GRID1: variants seen among roughly 807,000 people sequenced by gnomAD.
GRID1 encodes glutamate ionotropic receptor delta type subunit 1.
A neutral mutation model predicts 98.0 loss-of-function variants in GRID1; 28 were observed. The ratio of observed to expected loss-of-function variants is 0.29; its 90% CI spans 0.21 to 0.39. GRID1 has a LOEUF of 0.39. Among genes scored for constraint, GRID1 ranks in the 10% least tolerant of loss-of-function variants. The pLI is 1.00. For missense variants in GRID1, 1,111 were observed against 1,340.5 expected (o/e 0.83, Z 2.67); for synonymous variants, 553 against 538.5 (o/e 1.03, Z -0.37).
At chr10:86,234,434 C>T (rs747357054) in intron 2 of GRID1, among the ~76,000 whole-genome samples, 39 of 152,206 alleles carry the variant, frequency 2.6e-4, no homozygotes, top group Non-Finnish European at 3.7e-4. Context: ...TCCAGACACA[C>T]GGAAGGGTCT....
At chr10:86,033,582 A>G (rs923272062) in intron 4 of GRID1, among the ~76,000 whole-genome samples, 3 of 152,222 alleles carry the variant, frequency 2.0e-5, no homozygotes, top group Non-Finnish European at 4.4e-5. Flanking sequence ...AGTGTGGACT[A>G]TAAGACAGCC....
intron 4 of GRID1, among the ~76,000 whole-genome samples, chr10:86,107,417 C>G (rs765672704): frequency 6.6e-6 from 1 of 152,222 alleles, no homozygotes; most frequent in Non-Finnish European, 1.5e-5. Context: ...CAGTGGCAAA[C>G]CCCACAGGGT....
intron 2 of GRID1, among the ~76,000 whole-genome samples, chr10:86,280,251 C>A (rs1000107650): frequency 6.6e-6 from 1 of 152,132 alleles, no homozygotes; most frequent in Non-Finnish European, 1.5e-5. Flanking sequence ...TTGTATATTA[C>A]AAATTTAAAA....
At chr10:85,724,861 C>T (rs1485294741) in intron 10 of GRID1, among the ~76,000 whole-genome samples, 185 bp from the exon 11 acceptor site, 1 of 152,224 alleles carries the variant, frequency 6.6e-6, no homozygotes, top group Non-Finnish European at 1.5e-5. Context: ...TTACTATTTC[C>T]TTCACCTTAC....
chr10:85,773,999 G>A (rs1025173722), intron 8 of GRID1, among the ~76,000 whole-genome samples: 4 of 152,208 alleles, frequency 2.6e-5, no homozygotes, highest in Admixed American at 6.5e-5. Context: ...GGAACCAAAA[G>A]AGAGCCCGCA....
intron 8 of GRID1, among the ~76,000 whole-genome samples, chr10:85,793,090 G>C (rs1157636707): frequency 6.6e-6 from 1 of 152,054 alleles, no homozygotes; most frequent in Non-Finnish European, 1.5e-5. Flanking sequence ...CTCCTTTCTG[G>C]AGCTCAACAC....
chr10:85,633,158 G>A (rs1324041317), intron 13 of GRID1, among the ~76,000 whole-genome samples: 2 of 151,974 alleles, frequency 1.3e-5, no homozygotes, highest in East Asian at 3.9e-4. Context: ...TTGAACTCCT[G>A]ACCTCAAGTG....
At chr10:85,999,894 T>C (rs1320852552) in intron 4 of GRID1, among the ~76,000 whole-genome samples, 1 of 152,146 alleles carries the variant, frequency 6.6e-6, no homozygotes, top group Non-Finnish European at 1.5e-5. Context: ...TTTAAAGCTT[T>C]CCCCCACTAA....
chr10:85,855,429 C>A (rs1843100315), intron 7 of GRID1, among the ~76,000 whole-genome samples: 1 of 152,218 alleles, frequency 6.6e-6, no homozygotes, highest in Non-Finnish European at 1.5e-5. Context: ...AGAAGGGGCC[C>A]TGGCTCTGCC....
intron 4 of GRID1, among the ~76,000 whole-genome samples, chr10:85,957,006 C>A (rs1381088133): frequency 2.0e-5 from 3 of 152,194 alleles, no homozygotes; most frequent in Admixed American, 6.5e-5. Context: ...ACACATCCTT[C>A]TTCACATGGT....
chr10:85,761,706 C>T (rs959686228), intron 8 of GRID1, among the ~76,000 whole-genome samples: 4 of 152,074 alleles, frequency 2.6e-5, no homozygotes, highest in African/African-American at 9.7e-5. Context: ...ACTATGGGTC[C>T]CCAGTTGGTC....
At chr10:85,647,477 C>T in intron 12 of GRID1, 80 bp from the exon 13 acceptor site, 1 of 1,092,408 alleles carries the variant, frequency 9.2e-7, no homozygotes, top group Non-Finnish European at 1.4e-6. Context: ...CTGCAAGGCC[C>T]TTCTGAACTC....
intron 4 of GRID1, among the ~76,000 whole-genome samples, chr10:85,949,534 C>T (rs944905734): frequency 5.9e-5 from 9 of 152,020 alleles, no homozygotes; most frequent in Admixed American, 4.6e-4. Context: ...ATCCAAACAC[C>T]TATTGATTTT....
chr10:85,616,932 T>G (rs1842796377), intron 14 of GRID1, among the ~76,000 whole-genome samples: 1 of 152,218 alleles, frequency 6.6e-6, no homozygotes, highest in African/African-American at 2.4e-5. Flanking sequence ...ATGCCCCAAC[T>G]GCATGCTGTG....
At chr10:85,735,711 T>C (rs567224136) in intron 8 of GRID1, among the ~76,000 whole-genome samples, 1 of 152,116 alleles carries the variant, frequency 6.6e-6, no homozygotes, top group Non-Finnish European at 1.5e-5. Context: ...GGTGGCAATC[T>C]TACTGTTTTA....
intron 4 of GRID1, among the ~76,000 whole-genome samples, chr10:86,054,361 G>C (rs1313587744): frequency 2.0e-5 from 3 of 152,194 alleles, no homozygotes; most frequent in Non-Finnish European, 4.4e-5. Context: ...AGCTGATGCG[G>C]TTGGTCTTTG....
At chr10:85,804,018 T>C (rs1353743814) in intron 8 of GRID1, among the ~76,000 whole-genome samples, 2 of 149,902 alleles carry the variant, frequency 1.3e-5, no homozygotes, top group African/African-American at 2.5e-5. Context: ...ACAAAATAAA[T>C]AGAATTAATG....
intron 15 of GRID1, chr10:85,607,168 C>T (rs1842679346): frequency 6.6e-6 from 1 of 152,228 alleles, no homozygotes; most frequent in Non-Finnish European, 1.5e-5. Context: ...TGTAATTAAG[C>T]TGCTGTTCAC....
intron 4 of GRID1, among the ~76,000 whole-genome samples, chr10:86,014,203 A>C (rs980428577): frequency 6.6e-6 from 1 of 152,218 alleles, no homozygotes; most frequent in African/African-American, 2.4e-5. Flanking sequence ...GAACTCACAC[A>C]AGTTAAACAT....
Sources: allele counts gnomAD v4.1 joint callset (sites outside exome capture counted in the v4.1 genomes callset), GRCh38; gene constraint gnomAD v4.1.1; transcripts MANE v1.5; gene names NCBI Gene and HGNC (gene_info 2026-07-23, HGNC 2026-07-21).